Variants in VEGFC observed in about 807,000 individuals in gnomAD.
The protein encoded by VEGFC is vascular endothelial growth factor C, also known as FLT4 ligand DHM.
VEGFC carries 12 observed loss-of-function variants against 46.1 expected under a neutral mutation model. The observed-to-expected ratio is 0.26, with a 90% CI of 0.17 to 0.42. The LOEUF is 0.42. VEGFC is among the 10% of genes least tolerant of loss of function. VEGFC has a pLI of 1.00. For missense variants in VEGFC, 488 were observed against 529.4 expected (o/e 0.92, Z 0.77); for synonymous variants, 232 against 195.5 (o/e 1.19, Z -1.56).
chr4:176,748,318 A>G (rs1349293652), intron 1 of VEGFC, among the ~76,000 whole-genome samples: 2 of 152,122 alleles, frequency 1.3e-5, no homozygotes, highest in East Asian at 3.9e-4. Flanking sequence ...ATATCAATCC[A>G]AATTTGAGCT....
At chr4:176,785,163 A>C (rs1307432712) in intron 1 of VEGFC, among the ~76,000 whole-genome samples, 1 of 152,186 alleles carries the variant, frequency 6.6e-6, no homozygotes, top group African/African-American at 2.4e-5. Flanking sequence ...TGCATACTTT[A>C]CTATTGCATA....
At chr4:176,732,333 C>CTA (rs2111021208) in intron 1 of VEGFC, among the ~76,000 whole-genome samples, 1 of 152,014 alleles carries the variant, frequency 6.6e-6, no homozygotes, top group Admixed American at 6.6e-5. Flanking sequence ...GACCCCCAGA[C>CTA]TAAAGTTCAA....
intron 1 of VEGFC, among the ~76,000 whole-genome samples, chr4:176,762,414 G>A (rs1184163652): frequency 2.6e-5 from 4 of 152,148 alleles, no homozygotes; most frequent in Admixed American, 2.0e-4. Flanking sequence ...TCCAGAGGAC[G>A]CAGCCTTCAA....
intron 1 of VEGFC, among the ~76,000 whole-genome samples, chr4:176,769,237 T>C (rs1211101736): frequency 6.6e-6 from 1 of 152,158 alleles, no homozygotes; most frequent in Non-Finnish European, 1.5e-5. Context: ...TTTTCTGTTC[T>C]TTATAAATTA....
chr4:176,712,401 T>C (rs558001785), intron 3 of VEGFC, among the ~76,000 whole-genome samples: 41 of 152,172 alleles, frequency 2.7e-4, no homozygotes, highest in Non-Finnish European at 4.3e-4. Context: ...CAAGAACTTC[T>C]TGTGTTCTCT....
At chr4:176,768,564 A>G (rs1735672426) in intron 1 of VEGFC, among the ~76,000 whole-genome samples, 1 of 144,956 alleles carries the variant, frequency 6.9e-6, no homozygotes, top group South Asian at 2.3e-4. Flanking sequence ...AAAAAAGTTT[A>G]TGGCTTGGGA....
intron 4 of VEGFC, among the ~76,000 whole-genome samples, chr4:176,707,818 T>C (rs1172266897): frequency 6.6e-6 from 1 of 152,198 alleles, no homozygotes; most frequent in Non-Finnish European, 1.5e-5. Context: ...TTTCTCTTAA[T>C]TGACTGAGTG....
At chr4:176,711,703 T>C (rs1734623213) in intron 3 of VEGFC, 53 bp from the exon 4 acceptor site, 2 of 1,584,218 alleles carry the variant, frequency 1.3e-6, no homozygotes, top group East Asian at 2.2e-5. Context: ...TGTAAAGCAC[T>C]TTTATGGTAA....
At chr4:176,744,411 CT>C (rs1005561322) in intron 1 of VEGFC, among the ~76,000 whole-genome samples, 3 of 151,952 alleles carry the variant, frequency 2.0e-5, no homozygotes, top group African/African-American at 7.2e-5. Flanking sequence ...ACTTTTCCTT[CT>C]GAAATATCAA....
At chr4:176,689,105 T>C (rs565675395) in intron 4 of VEGFC, among the ~76,000 whole-genome samples, 1 of 152,238 alleles carries the variant, frequency 6.6e-6, no homozygotes, top group African/African-American at 2.4e-5. Context: ...CTAATGTTGG[T>C]GTAGACATCA....
intron 1 of VEGFC, among the ~76,000 whole-genome samples, chr4:176,739,813 G>C (rs903043754): frequency 6.6e-6 from 1 of 150,828 alleles, no homozygotes; most frequent in Non-Finnish European, 1.5e-5. Context: ...CAAATGGTGG[G>C]AACAAACCAC....
intron 1 of VEGFC, among the ~76,000 whole-genome samples, chr4:176,777,093 C>A (rs1436589054): frequency 6.6e-6 from 1 of 152,080 alleles, no homozygotes; most frequent in Admixed American, 6.5e-5. Context: ...GTGGGTGGAT[C>A]ACAAGGTCAG....
At chr4:176,780,969 A>G (rs1214273059) in intron 1 of VEGFC, among the ~76,000 whole-genome samples, 1 of 152,228 alleles carries the variant, frequency 6.6e-6, no homozygotes, top group African/African-American at 2.4e-5. Context: ...ATGAGCACAA[A>G]GGTACATTTT....
chr4:176,783,880 T>G (rs1030246974), intron 1 of VEGFC, among the ~76,000 whole-genome samples: 2 of 152,168 alleles, frequency 1.3e-5, no homozygotes, highest in Non-Finnish European at 2.9e-5. Flanking sequence ...TTTTAAAAAT[T>G]TAATAAATTA....
intron 1 of VEGFC, among the ~76,000 whole-genome samples, chr4:176,759,109 A>G (rs1735483596): frequency 6.6e-6 from 1 of 152,156 alleles, no homozygotes; most frequent in Non-Finnish European, 1.5e-5. Flanking sequence ...AAAAACTCAA[A>G]AACTATACTT....
chr4:176,750,670 T>C (rs1242699361), intron 1 of VEGFC, among the ~76,000 whole-genome samples: 3 of 151,810 alleles, frequency 2.0e-5, no homozygotes, highest in African/African-American at 4.8e-5. Context: ...TTTCTTCTCA[T>C]AGGTATACAT....
chr4:176,774,715 C>T (rs146855231), intron 1 of VEGFC, among the ~76,000 whole-genome samples: 1 of 151,676 alleles, frequency 6.6e-6, no homozygotes, highest in Non-Finnish European at 1.5e-5. Flanking sequence ...AGAACATATG[C>T]TTGTTAGTGG....
chr4:176,756,848 C>T (rs1735441556), intron 1 of VEGFC, among the ~76,000 whole-genome samples: 1 of 151,930 alleles, frequency 6.6e-6, no homozygotes, highest in South Asian at 2.1e-4. Context: ...GACAGCTTAG[C>T]CTAGAAGAAT....
Position 176,696,621 on chromosome 4 carries a change from C to T in VEGFC, c.705-8694G>A, listed in dbSNP as rs375843009. ...GCTACCAATGACTTTCTTCACAGAA[C>T]TGGAAAAAACTACTTTAAAGTTCAT... On this transcript the variant is annotated intron_variant, in intron 4 of 6. Transcript: ENST00000618562. 1.2e-4 allele frequency among the ~76,000 whole-genome samples: 18 copies of T among 150,956 alleles called. No homozygotes were observed. The South Asian group carries it at 1.7e-3, about 14-fold the overall frequency.
Sources: gnomAD v4.1 joint callset for allele counts (sites outside exome capture counted in the v4.1 genomes callset) on GRCh38, gnomAD v4.1.1 for gene constraint, MANE v1.5 for transcripts, NCBI Gene and HGNC (gene_info 2026-07-23, HGNC 2026-07-21) for gene names.